Variants in ANO10 observed in about 807,000 individuals in gnomAD.
ANO10 encodes the protein anoctamin 10, also known as anoctamin-10.
In ANO10, 77 loss-of-function variants were observed where a neutral mutation model predicts 74.7. That is an observed-to-expected ratio of 1.03 (90% confidence interval 0.86 to 1.25). The LOEUF (loss-of-function observed/expected upper bound fraction) is 1.25. Among genes scored for constraint, ANO10 ranks in the 50% most tolerant of loss-of-function variants. The pLI is 0.00. For synonymous variants in ANO10, 279 were observed against 284.9 expected, an observed-to-expected ratio of 0.98 and a Z score of 0.21; for missense variants, 721 against 778.1, an observed-to-expected ratio of 0.93 and a Z score of 0.87.
At chr3:43,599,680 C>T (rs1259080053) in intron 3 of ANO10, among the ~76,000 whole-genome samples, 1 of 151,936 alleles carries the variant, frequency 6.6e-6, no homozygotes, top group African/African-American at 2.4e-5. Context: ...CCGAGGCAGG[C>T]AGAACACGAG....
chr3:43,566,475 G>T (rs911739765), intron 7 of ANO10, among the ~76,000 whole-genome samples: 1 of 152,190 alleles, frequency 6.6e-6, no homozygotes, highest in Admixed American at 6.5e-5. Flanking sequence ...CTCCCAGCAC[G>T]CAGCTGGAGA....
At chr3:43,542,130 T>C (rs923122994) in intron 11 of ANO10, among the ~76,000 whole-genome samples, 2 of 152,172 alleles carry the variant, frequency 1.3e-5, no homozygotes, top group Admixed American at 1.3e-4. Context: ...TCCTGAACTG[T>C]ATGCTTTAAA....
intron 12 of ANO10, among the ~76,000 whole-genome samples, chr3:43,373,692 C>G (rs141206384): frequency 2.9e-3 from 434 of 152,276 alleles, no homozygotes; most frequent in Non-Finnish European, 4.5e-3. Context: ...CCAGCCATCC[C>G]CAGGCACACA....
chr3:43,485,033 C>T (rs927208799), intron 11 of ANO10: 14 of 1,438,236 alleles, frequency 9.7e-6, no homozygotes, highest in South Asian at 2.4e-5. Flanking sequence ...GCTCAGGACC[C>T]GGTGGGGCAG....
At chr3:43,467,393 C>A (rs1210265994) in intron 11 of ANO10, among the ~76,000 whole-genome samples, 2 of 152,108 alleles carry the variant, frequency 1.3e-5, no homozygotes, top group Non-Finnish European at 2.9e-5. Flanking sequence ...TATATTCATA[C>A]AATGGAATAA....
In ANO10 at chr3:43,372,684, C is replaced by T. The variant is rs1343963154; in HGVS notation, c.1915-5710G>A. On this transcript the variant is annotated intron_variant, in intron 12 of 12. Transcript: ENST00000292246. ...TCCTCGCATTACCATCTGGTTTATTCATTGTTTGCAGATTTTTTTTCTGTC... is the reference window on the plus strand; with the variant it reads ...TCCTCGCATTACCATCTGGTTTATTTATTGTTTGCAGATTTTTTTTCTGTC... 1.1e-5 allele frequency: 7 copies of T among 629,800 alleles called. No homozygotes were observed. In the East Asian group the frequency reaches 2.0e-4, roughly 18 times the overall value. The allele number at this position is 629,800 out of a possible 1,614,324, so 39.0% of individuals were successfully genotyped here. A position where few individuals can be genotyped will look rare whatever the true frequency, so the allele number is the denominator to read the frequency against.
chr3:43,626,981 T>C (rs2083498626), upstream of ANO10, among the ~76,000 whole-genome samples: 1 of 119,362 alleles, frequency 8.4e-6, no homozygotes, highest in African/African-American at 3.2e-5. Context: ...ATAGCAGCCA[T>C]TGAAGACTCA....
chr3:43,449,711 G>A (rs971344648), intron 11 of ANO10, among the ~76,000 whole-genome samples: 2 of 148,294 alleles, frequency 1.3e-5, no homozygotes, highest in Middle Eastern at 3.3e-3. Context: ...AGCAAGTTTC[G>A]AAGTTGGTTA....
At chr3:43,558,098 C>T (rs1258668716) in intron 9 of ANO10, among the ~76,000 whole-genome samples, 2 of 147,270 alleles carry the variant, frequency 1.4e-5, no homozygotes, top group African/African-American at 5.1e-5. Flanking sequence ...AAAGTGAGAC[C>T]CTGTCTCACC....
chr3:43,663,086 C>CA (rs563495670), intron 1 of ANO10, among the ~76,000 whole-genome samples: 3,265 of 152,082 alleles, frequency 0.021, 67 homozygotes, highest in African/African-American at 0.053. Context: ...AGAGACACAA[C>CA]AAAAAAAGAG....
intron 4 of ANO10, among the ~76,000 whole-genome samples, chr3:43,594,368 A>G (rs941046215): frequency 1.3e-5 from 2 of 152,208 alleles, no homozygotes; most frequent in Non-Finnish European, 2.9e-5. Context: ...GAAGTAAAGT[A>G]CTCCTCAGCA....
intron 1 of ANO10, among the ~76,000 whole-genome samples, chr3:43,684,769 A>T (rs1301415118): frequency 6.6e-6 from 1 of 152,222 alleles, no homozygotes; most frequent in Non-Finnish European, 1.5e-5. Flanking sequence ...TGATGAGTTC[A>T]TGTCCTTTGT....
chr3:43,493,647 A>G (rs1396328502), intron 11 of ANO10, among the ~76,000 whole-genome samples: 2 of 152,350 alleles, frequency 1.3e-5, no homozygotes, highest in East Asian at 1.9e-4. Context: ...TTGCTATACA[A>G]TAGTTATTCC....
At chr3:43,588,728 G>C (rs1041992940) in intron 4 of ANO10, among the ~76,000 whole-genome samples, 1 of 152,086 alleles carries the variant, frequency 6.6e-6, no homozygotes, top group Non-Finnish European at 1.5e-5. Context: ...ACAAGACAAG[G>C]CTGAATTCAG....
intron 12 of ANO10, among the ~76,000 whole-genome samples, chr3:43,371,805 T>C (rs2091621930): frequency 6.6e-6 from 1 of 152,042 alleles, no homozygotes; most frequent in South Asian, 2.1e-4. Context: ...GCCTGACAAT[T>C]CAGACAAAAA....
intron 12 of ANO10, among the ~76,000 whole-genome samples, chr3:43,406,211 C>T (rs2092572928): frequency 6.6e-6 from 1 of 152,208 alleles, no homozygotes; most frequent in South Asian, 2.1e-4. Flanking sequence ...GGGAACAGGC[C>T]TCCAGGATGA....
intron 12 of ANO10, among the ~76,000 whole-genome samples, chr3:43,370,856 A>G (rs1315051020): frequency 1.3e-5 from 2 of 152,196 alleles, no homozygotes; most frequent in African/African-American, 4.8e-5. Context: ...CCTGAGGAAG[A>G]CTGTGTGACC....
At chr3:43,485,540 G>C in intron 11 of ANO10, 1 of 252,804 alleles carries the variant, frequency 4.0e-6, no homozygotes, top group South Asian at 5.0e-5. Flanking sequence ...GTGAGGCCAA[G>C]AACCCCAGGT....
intron 7 of ANO10, among the ~76,000 whole-genome samples, chr3:43,572,855 C>T (rs2080805694): frequency 6.6e-6 from 1 of 152,136 alleles, no homozygotes; most frequent in Non-Finnish European, 1.5e-5. Context: ...ATCAACACGA[C>T]CGCAGGACAG....
Sources: allele counts gnomAD v4.1 joint callset (sites outside exome capture counted in the v4.1 genomes callset), GRCh38; gene constraint gnomAD v4.1.1; transcripts MANE v1.5; gene names NCBI Gene and HGNC (gene_info 2026-07-23, HGNC 2026-07-21).